The following EYA1 variants were observed in gnomAD, a reference collection of about 807,000 sequenced individuals.
EYA1 encodes EYA transcriptional coactivator and phosphatase 1.
EYA1 carries 16 observed loss-of-function variants against 82.0 expected under a neutral mutation model. The observed-to-expected ratio is 0.20, with a 90% CI of 0.13 to 0.30. EYA1 has a LOEUF of 0.30. Ranked by LOEUF, EYA1 falls within the 10% of genes least tolerant of loss-of-function variation. EYA1 has a pLI of 1.00. For missense variants in EYA1, 633 were observed against 730.7 expected, an observed-to-expected ratio of 0.87 and a Z score of 1.54; for synonymous variants, 261 against 264.4, an observed-to-expected ratio of 0.99 and a Z score of 0.12.
chr8:71,361,826 CAGGGGGCAGGCGCCTGGCCG>C lies in EYA1; in HGVS notation c.-254_-235del. 5.1e-6 allele frequency: 5 copies of C among 985,456 alleles called. No homozygotes were observed. Among genetic ancestry groups the C allele is most frequent in the Non-Finnish European group, 6.0e-6 (5 of 829,952 alleles). 61.0% of individuals were successfully genotyped at this position (985,456 alleles called of 1,614,324 possible). ...CGCCTCTGCAGGGGAAAGCTCGGCG[CAGGGGGCAGGCGCCTGGCCG>C]CTGCCGCAGGCTCGGGCTGCCGAGC... On this transcript the variant is annotated 5_prime_UTR_variant, in exon 1 of 18. The change abolishes the stop of an existing upstream ORF in the 5' untranslated region. Coordinates refer to ENST00000340726, the MANE Select transcript of EYA1 (RefSeq NM_000503.6).
chr8:71,419,515 T>C (rs1434025645), intron 2 of EYA1, among the ~76,000 whole-genome samples: 2 of 152,198 alleles, frequency 1.3e-5, no homozygotes, highest in Non-Finnish European at 2.9e-5. Flanking sequence ...GTCAAAATTA[T>C]GTCTCAGATC....
At chr8:71,330,734 A>G (rs1263075066) in intron 4 of EYA1, among the ~76,000 whole-genome samples, 1 of 152,136 alleles carries the variant, frequency 6.6e-6, no homozygotes, top group Non-Finnish European at 1.5e-5. Flanking sequence ...TAATTTTTTA[A>G]TTTTCAATTT....
intron 9 of EYA1, among the ~76,000 whole-genome samples, chr8:71,285,141 G>T (rs928519054): frequency 2.6e-5 from 4 of 152,228 alleles, no homozygotes; most frequent in Non-Finnish European, 5.9e-5. Flanking sequence ...CCATATGTCA[G>T]TAGGAGAAAC....
At chr8:71,400,203 A>G (rs989571487) in intron 2 of EYA1, among the ~76,000 whole-genome samples, 7 of 152,024 alleles carry the variant, frequency 4.6e-5, no homozygotes, top group African/African-American at 1.7e-4. Flanking sequence ...CTAGATGAAA[A>G]CCTAGGCAAT....
intron 2 of EYA1, among the ~76,000 whole-genome samples, chr8:71,415,800 T>C (rs551971037): frequency 2.0e-5 from 3 of 152,344 alleles, no homozygotes; most frequent in Non-Finnish European, 2.9e-5. Flanking sequence ...GAAATCTTCA[T>C]TGACATTTAT....
intron 2 of EYA1, among the ~76,000 whole-genome samples, chr8:71,434,503 T>TA (rs1444304175): frequency 6.6e-6 from 1 of 152,152 alleles, no homozygotes; most frequent in Non-Finnish European, 1.5e-5. Context: ...GTTTGCTTGG[T>TA]AAAAAACAAG....
chr8:71,431,126 T>G (rs1293217144), intron 2 of EYA1, among the ~76,000 whole-genome samples: 1 of 152,154 alleles, frequency 6.6e-6, no homozygotes, highest in Admixed American at 6.5e-5. Flanking sequence ...AGAAATCTAT[T>G]ACCTATTTTT....
At chr8:71,438,587 G>C (rs1806172299) in intron 2 of EYA1, among the ~76,000 whole-genome samples, 1 of 152,162 alleles carries the variant, frequency 6.6e-6, no homozygotes, top group African/African-American at 2.4e-5. Context: ...GACCAGTGCA[G>C]ACGAAATGAT....
intron 12 of EYA1, among the ~76,000 whole-genome samples, chr8:71,228,241 C>T (rs914719600): frequency 6.6e-5 from 10 of 152,156 alleles, no homozygotes; most frequent in Non-Finnish European, 1.3e-4. Context: ...TCTAAGTATC[C>T]GTGGGTCTGA....
intron 2 of EYA1, among the ~76,000 whole-genome samples, chr8:71,449,558 G>A (rs1807187895): frequency 6.6e-6 from 1 of 152,222 alleles, no homozygotes; most frequent in Admixed American, 6.5e-5. Context: ...TTATCATCTA[G>A]GCTTTATTGT....
chr8:71,253,404 G>A (rs959130562), intron 11 of EYA1, among the ~76,000 whole-genome samples: 14 of 152,064 alleles, frequency 9.2e-5, no homozygotes, highest in Non-Finnish European at 2.9e-5. Flanking sequence ...TAGAAAGTTT[G>A]GTTGAATCAT....
At chr8:71,385,354 C>T (rs1238642822) in intron 2 of EYA1, among the ~76,000 whole-genome samples, 1 of 151,936 alleles carries the variant, frequency 6.6e-6, no homozygotes, top group Non-Finnish European at 1.5e-5. Flanking sequence ...CACCCTCTAA[C>T]CCTAAAAGAA....
chr8:71,352,784 T>C (rs1266361235), intron 3 of EYA1, among the ~76,000 whole-genome samples: 1 of 152,176 alleles, frequency 6.6e-6, no homozygotes, highest in Non-Finnish European at 1.5e-5. Flanking sequence ...TATCAAGCTA[T>C]AAAAAGTAAA....
intron 2 of EYA1, among the ~76,000 whole-genome samples, chr8:71,375,946 T>C (rs1171449306): frequency 6.6e-6 from 1 of 152,108 alleles, no homozygotes; most frequent in East Asian, 1.9e-4. Context: ...TTTATAGAAC[T>C]GAGTTTTAAA....
At chr8:71,261,780 G>C (rs913852517) in intron 11 of EYA1, among the ~76,000 whole-genome samples, 1 of 152,156 alleles carries the variant, frequency 6.6e-6, no homozygotes, top group Admixed American at 6.5e-5. Flanking sequence ...GGGGCCCATG[G>C]GGTGCTAAGG....
At chr8:71,391,795 TC>T (rs1563563724) in intron 2 of EYA1, among the ~76,000 whole-genome samples, 1 of 152,156 alleles carries the variant, frequency 6.6e-6, no homozygotes, top group Non-Finnish European at 1.5e-5. Flanking sequence ...GTAGTACAAT[TC>T]CCAAAGCCTT....
intron 3 of EYA1, among the ~76,000 whole-genome samples, chr8:71,338,489 C>T (rs971446971): frequency 7.2e-5 from 11 of 152,058 alleles, no homozygotes; most frequent in African/African-American, 2.7e-4. Context: ...GTGGATCTAT[C>T]TATCAGACCA....
rs979776967 is a variant in EYA1, at chr8:71,212,414, CAACCAAA to C, written c.1598-1165_1598-1159del. ...GTATAGTCTTCACTGCAAAAATATA[CAACCAAA>C]AACTTCGATGTCATGAAAGTTTTTT... On this transcript the variant is annotated intron_variant, in intron 16 of 17. Transcript: ENST00000340726. Among the ~76,000 whole-genome samples, 166 of 152,278 alleles carry C rather than the reference CAACCAAA, an allele frequency of 1.1e-3. 3 individuals carry two copies. Among genetic ancestry groups the C allele is most frequent in the Admixed American group, 0.011 (164 of 15,290 alleles).
chr8:71,386,173 C>A lies in EYA1; in HGVS notation c.34-29662G>T, dbSNP rs1325558887. On this transcript the variant is annotated intron_variant, in intron 2 of 18. Coordinates refer to the EYA1 transcript ENST00000643681. ...TCTTCAATTTTATCCTCTTCTGATT[C>A]TCTGATTGTCAAAACTCTAGGGACT... Among the ~76,000 whole-genome samples the A allele has an allele frequency of 2.6e-5, 4 of 152,148 alleles. No individual in the cohort carries two copies. The South Asian group carries it at 8.3e-4, about 31-fold the overall frequency.
Sources: allele counts gnomAD v4.1 joint callset (sites outside exome capture counted in the v4.1 genomes callset), GRCh38; gene constraint gnomAD v4.1.1; transcripts MANE v1.5; gene names NCBI Gene and HGNC (gene_info 2026-07-23, HGNC 2026-07-21).